Variants in GAS7 observed in about 807,000 individuals in gnomAD.
GAS7 encodes the protein growth arrest-specific protein 7.
In GAS7, 28 loss-of-function variants were observed where a neutral mutation model predicts 71.1. That is an observed-to-expected ratio of 0.39 (90% CI 0.29 to 0.54). The LOEUF is 0.54. Among genes scored for constraint, GAS7 ranks in the 20% least tolerant of loss-of-function variants. The pLI is 0.62. For synonymous variants in GAS7, 258 were observed against 245.8 expected (o/e 1.05, Z -0.46); for missense variants, 436 against 627.8 (o/e 0.69, Z 3.27).
intron 1 of GAS7, among the ~76,000 whole-genome samples, chr17:10,032,389 T>C (rs2072643961): frequency 6.6e-6 from 1 of 152,126 alleles, no homozygotes; most frequent in East Asian, 1.9e-4. Context: ...ATAAAAATAG[T>C]GTGGGCCATT....
intron 2 of GAS7, among the ~76,000 whole-genome samples, chr17:9,998,971 G>A (rs2071156789): frequency 6.6e-6 from 1 of 152,188 alleles, no homozygotes; most frequent in Non-Finnish European, 1.5e-5. Context: ...ACTGACATCT[G>A]GAAAATTCTT....
At chr17:9,986,495 G>A (rs151087997) in intron 2 of GAS7, among the ~76,000 whole-genome samples, 12 of 152,230 alleles carry the variant, frequency 7.9e-5, no homozygotes, top group Admixed American at 2.6e-4. Context: ...GCTGGTCCCC[G>A]TTCCTCTCCC....
chr17:9,940,427 T>C (rs1380607308), intron 7 of GAS7, among the ~76,000 whole-genome samples: 4 of 152,192 alleles, frequency 2.6e-5, no homozygotes, highest in South Asian at 4.1e-4. Flanking sequence ...ATCTGCAAAG[T>C]AGGACATTTT....
At chr17:10,140,833 G>A (rs1047079363) in intron 1 of GAS7, among the ~76,000 whole-genome samples, 2 of 152,136 alleles carry the variant, frequency 1.3e-5, no homozygotes, top group Non-Finnish European at 2.9e-5. Context: ...GCCCCTCTAG[G>A]CTAACAGATT....
chr17:10,040,766 G>T (rs1232047247), intron 1 of GAS7, among the ~76,000 whole-genome samples: 3 of 152,110 alleles, frequency 2.0e-5, no homozygotes, highest in African/African-American at 7.2e-5. Context: ...AGGAGAGGCC[G>T]GGTGACGAAT....
chr17:9,978,803 T>C (rs2070303458), intron 3 of GAS7, among the ~76,000 whole-genome samples: 1 of 152,210 alleles, frequency 6.6e-6, no homozygotes, highest in African/African-American at 2.4e-5. Context: ...AGGGAGCTGC[T>C]GCTTCTTGCT....
intron 4 of GAS7, among the ~76,000 whole-genome samples, chr17:9,968,273 G>A (rs781502746): frequency 1.3e-5 from 2 of 152,174 alleles, no homozygotes; most frequent in Non-Finnish European, 2.9e-5. Context: ...GAAGGAGACC[G>A]ATAGGCCAGC....
rs2069416053 is a variant in GAS7 at position 9,959,989 on chromosome 17, C to T, written c.472-734G>A. Reference sequence around the variant, plus strand: ...CAAAATGCTACACGTGTCCTAAGAGCCTACGACTCCAAAGAATGTTTGATT... The same window carrying T: ...CAAAATGCTACACGTGTCCTAAGAGTCTACGACTCCAAAGAATGTTTGATT... On this transcript the variant is annotated intron_variant, in intron 4 of 13. Transcript: ENST00000432992. This position sits in a 1 kb window ranked among gnomAD's most constrained non-coding sequence, Gnocchi z 5.0. Among the ~76,000 whole-genome samples the T allele has an allele frequency of 6.6e-6, 1 of 152,066 alleles. No homozygotes were observed. The highest frequency in any genetic ancestry group is 1.5e-5 in the Non-Finnish European group (1 of 68,018).
intron 13 of GAS7, 90 bp from the exon 14 acceptor site, chr17:9,917,431 T>C (rs1597435972): frequency 1.1e-6 from 1 of 901,622 alleles, no homozygotes; most frequent in East Asian, 2.5e-5. Flanking sequence ...CACCTTAGTG[T>C]CTCTGAGAGC....
At chr17:10,185,602 A>G (rs2074446068) in intron 1 of GAS7, among the ~76,000 whole-genome samples, 1 of 152,178 alleles carries the variant, frequency 6.6e-6, no homozygotes, top group South Asian at 2.1e-4. Flanking sequence ...AATCAAACCC[A>G]AGCAGGGAGC....
intron 4 of GAS7, among the ~76,000 whole-genome samples, chr17:9,966,861 G>C (rs1051058011): frequency 1.3e-5 from 2 of 152,188 alleles, no homozygotes; most frequent in African/African-American, 4.8e-5. Context: ...GGGCAACACA[G>C]GGACACCCTG....
chr17:10,077,214 C>A (rs1032051845), intron 1 of GAS7, among the ~76,000 whole-genome samples: 3 of 152,128 alleles, frequency 2.0e-5, no homozygotes, highest in African/African-American at 7.2e-5. Flanking sequence ...TCTCTGGTTC[C>A]CTTACACTAC....
intron 1 of GAS7, among the ~76,000 whole-genome samples, chr17:10,045,093 C>T (rs2072931446): frequency 6.7e-6 from 1 of 150,328 alleles, no homozygotes; most frequent in South Asian, 2.1e-4. Flanking sequence ...AAAATGCTCG[C>T]TGAATACAGA....
At chr17:10,164,763 C>T (rs1454469640) in intron 1 of GAS7, among the ~76,000 whole-genome samples, 4 of 148,128 alleles carry the variant, frequency 2.7e-5, no homozygotes, top group African/African-American at 1.0e-4. Flanking sequence ...GAGACTGAAG[C>T]AGAAGGATTG....
chr17:10,052,436 G>A (rs1456673625), intron 1 of GAS7, among the ~76,000 whole-genome samples: 2 of 152,192 alleles, frequency 1.3e-5, no homozygotes, highest in African/African-American at 2.4e-5. Context: ...GTCTAAGAGG[G>A]TGGGTAGGAA....
chr17:10,187,226 AC>A (rs2074462161), intron 1 of GAS7, among the ~76,000 whole-genome samples: 1 of 152,184 alleles, frequency 6.6e-6, no homozygotes, highest in African/African-American at 2.4e-5. Flanking sequence ...AGCATTCCAC[AC>A]ACTGGGCGTT....
At chr17:9,942,706 T>C (rs1250977168) in intron 7 of GAS7, among the ~76,000 whole-genome samples, 1 of 150,852 alleles carries the variant, frequency 6.6e-6, no homozygotes, top group Admixed American at 6.6e-5. Context: ...AGTAAAGGAG[T>C]GAAGGAGTCT....
chr17:9,987,136 C>A (rs2070679422), intron 2 of GAS7, among the ~76,000 whole-genome samples: 1 of 152,240 alleles, frequency 6.6e-6, no homozygotes, highest in Admixed American at 6.5e-5. Context: ...CTTCTGCATT[C>A]TCTGGACGTC....
At chr17:9,976,860 C>CT (rs2070227201) in intron 3 of GAS7, among the ~76,000 whole-genome samples, 1 of 152,200 alleles carries the variant, frequency 6.6e-6, no homozygotes, top group South Asian at 2.1e-4. Flanking sequence ...GGCCCAGAGG[C>CT]TCAGAAAGGT....
Sources: allele counts gnomAD v4.1 joint callset (sites outside exome capture counted in the v4.1 genomes callset), GRCh38; gene constraint gnomAD v4.1.1; non-coding constraint Gnocchi (gnomAD v3.1); transcripts MANE v1.5; gene names NCBI Gene and HGNC (gene_info 2026-07-23, HGNC 2026-07-21).